The following AAMDC variants were observed in gnomAD, a reference collection of about 807,000 sequenced individuals.
AAMDC encodes adipogenesis associated Mth938 domain containing.
Under a neutral mutation model 15.5 loss-of-function variants are expected in AAMDC, and 16 were observed. The ratio of observed to expected loss-of-function variants is 1.03; its 90% CI spans 0.70 to 1.57. The LOEUF is 1.57. Among genes scored for constraint, AAMDC ranks in the 40% most tolerant of loss-of-function variants. The pLI is 0.00. For missense variants in AAMDC, 141 were observed against 144.9 expected, an observed-to-expected ratio of 0.97 and a Z score of 0.14; for synonymous variants, 51 against 51.6, an observed-to-expected ratio of 0.99 and a Z score of 0.05.
chr11:77,873,520 C>T (rs1329606323), downstream of AAMDC, among the ~76,000 whole-genome samples: 6 of 152,198 alleles, frequency 3.9e-5, no homozygotes, highest in South Asian at 2.1e-4. Flanking sequence ...TATCCATTTA[C>T]GGACAGCCTA....
intron 2 of AAMDC, among the ~76,000 whole-genome samples, chr11:77,849,622 G>A (rs975677189): frequency 7.2e-5 from 11 of 152,190 alleles, no homozygotes; most frequent in Non-Finnish European, 1.6e-4. Context: ...GCCTCCCAAA[G>A]TGCTGGATCT....
intron 1 of AAMDC, among the ~76,000 whole-genome samples, chr11:77,836,355 G>A (rs1949681227): frequency 6.6e-6 from 1 of 151,932 alleles, no homozygotes; most frequent in Non-Finnish European, 1.5e-5. Flanking sequence ...AATCTAATAG[G>A]ATGGGTGAAT....
At chr11:77,834,183 A>C (rs1949575275) in intron 1 of AAMDC, among the ~76,000 whole-genome samples, 1 of 152,226 alleles carries the variant, frequency 6.6e-6, no homozygotes, top group Admixed American at 6.5e-5. Context: ...TCAATGAATA[A>C]AATGTAAATT....
intron 5 of AAMDC, among the ~76,000 whole-genome samples, chr11:77,894,825 G>C (rs1178841417): frequency 6.6e-6 from 1 of 152,184 alleles, no homozygotes. Context: ...CCAGTTTCAA[G>C]AATCACTGCA....
downstream of AAMDC, chr11:77,872,449 C>T (rs555078639): frequency 6.2e-5 from 65 of 1,054,040 alleles, 1 homozygote; most frequent in Middle Eastern, 5.9e-4. Context: ...TCTTGGGATG[C>T]AGGGATGACC....
intron 5 of AAMDC, among the ~76,000 whole-genome samples, chr11:77,894,966 T>A (rs1260600152): frequency 6.6e-6 from 1 of 152,242 alleles, no homozygotes; most frequent in African/African-American, 2.4e-5. Context: ...TAGTTGATAC[T>A]GTAAGGGCTC....
intron 2 of AAMDC, among the ~76,000 whole-genome samples, chr11:77,863,209 C>T (rs1468628721): frequency 2.0e-5 from 3 of 152,252 alleles, no homozygotes; most frequent in South Asian, 2.1e-4. Context: ...AGGACGAACC[C>T]GGGCACTTAG....
chr11:77,834,244 G>A (rs545521856), intron 1 of AAMDC, among the ~76,000 whole-genome samples: 1 of 152,226 alleles, frequency 6.6e-6, no homozygotes, highest in South Asian at 2.1e-4. Context: ...GGTTAGGGAA[G>A]CAATGGTTGC....
At chr11:77,899,759 A>G (rs1286461984) in intron 5 of AAMDC, among the ~76,000 whole-genome samples, 2 of 152,168 alleles carry the variant, frequency 1.3e-5, no homozygotes, top group African/African-American at 4.8e-5. Flanking sequence ...ATGACAAGAT[A>G]AGCATATTAT....
chr11:77,857,790 A>T lies in AAMDC; in HGVS notation c.133-11932A>T, dbSNP rs1236497788. ...TGGCTCACTGCAGCCTCCACCTCCC[A>T]GGTTCAAGTGATTCTCCTGCCTCAG... On this transcript the variant is annotated intron_variant, in intron 2 of 3. Transcript: ENST00000393427. 4.0e-5 allele frequency among the ~76,000 whole-genome samples: 6 copies of T among 148,256 alleles called. No homozygotes were observed. In the Admixed American group the frequency reaches 4.1e-4, roughly 10 times the overall value.
At chr11:77,823,215 A>AG (rs35239853) in intron 1 of AAMDC, among the ~76,000 whole-genome samples, 4 of 3,096 alleles carry the variant, frequency 1.3e-3, no homozygotes, top group African/African-American at 4.4e-3. Flanking sequence ...ACTCCGTCTC[A>AG]AAAAAAAAAA....
chr11:77,904,942 G>C (rs1952897369), downstream of AAMDC, among the ~76,000 whole-genome samples: 1 of 152,142 alleles, frequency 6.6e-6, no homozygotes. Context: ...GCTGACAAGG[G>C]GTGGACTTGT....
intron 1 of AAMDC, among the ~76,000 whole-genome samples, chr11:77,837,554 G>A (rs1305673356): frequency 6.6e-6 from 1 of 151,810 alleles, no homozygotes; most frequent in African/African-American, 2.4e-5. Context: ...TCCTGCCTCA[G>A]CATCCCGGGT....
intron 5 of AAMDC, among the ~76,000 whole-genome samples, chr11:77,878,166 T>C (rs548775210): frequency 6.7e-4 from 102 of 151,974 alleles, no homozygotes; most frequent in Middle Eastern, 3.4e-3. Flanking sequence ...ATCAAGACCA[T>C]CCTGGCTAAC....
chr11:77,849,824 C>A (rs901373987), intron 2 of AAMDC, among the ~76,000 whole-genome samples: 4 of 152,210 alleles, frequency 2.6e-5, no homozygotes, highest in African/African-American at 9.6e-5. Flanking sequence ...AAATCTTATA[C>A]ATTCCTCTAT....
chr11:77,882,940 C>T (rs1287323728), intron 5 of AAMDC, among the ~76,000 whole-genome samples: 3 of 151,954 alleles, frequency 2.0e-5, no homozygotes, highest in South Asian at 2.1e-4. Flanking sequence ...GGTGTAGTGA[C>T]GTGCACCTGT....
chr11:77,889,119 T>C (rs1004880213), intron 5 of AAMDC, among the ~76,000 whole-genome samples: 2 of 152,162 alleles, frequency 1.3e-5, no homozygotes. Context: ...TAAAGACACA[T>C]GCACACATAT....
intron 2 of AAMDC, among the ~76,000 whole-genome samples, chr11:77,854,140 G>A (rs1051888376): frequency 2.0e-5 from 3 of 151,560 alleles, no homozygotes; most frequent in Non-Finnish European, 2.9e-5. Context: ...ACAGGCGCCC[G>A]CCACCACACC....
At chr11:77,903,654 G>A (rs751219862), downstream of AAMDC, 16 of 1,560,146 alleles carry the variant, frequency 1.0e-5, no homozygotes, top group Admixed American at 1.7e-5. Context: ...ACAGAATACC[G>A]AGGTCACAAA....
Sources: gnomAD v4.1 joint callset for allele counts (sites outside exome capture counted in the v4.1 genomes callset) on GRCh38, gnomAD v4.1.1 for gene constraint, MANE v1.5 for transcripts, NCBI Gene and HGNC (gene_info 2026-07-23, HGNC 2026-07-21) for gene names.